The following PLD5 variants were observed in gnomAD, a reference collection of about 807,000 sequenced individuals.
The protein encoded by PLD5 is inactive phospholipase D5.
A neutral mutation model predicts 61.1 loss-of-function variants in PLD5; 36 were observed. The observed-to-expected ratio is 0.59, with a 90% CI of 0.45 to 0.78. The LOEUF (loss-of-function observed/expected upper bound fraction) is 0.78. Among genes scored for constraint, PLD5 ranks in the 30% least tolerant of loss-of-function variants. The pLI is 0.00. For synonymous variants in PLD5, 243 were observed against 242.8 expected, an observed-to-expected ratio of 1.00 and a Z score of -0.01; for missense variants, 515 against 644.4, an observed-to-expected ratio of 0.80 and a Z score of 2.17.
chr1:242,096,755 TTATTA>T (rs1220280238), intron 9 of PLD5, among the ~76,000 whole-genome samples: 1 of 151,966 alleles, frequency 6.6e-6, no homozygotes, highest in Non-Finnish European at 1.5e-5. Flanking sequence ...ATTTTTATTT[TTATTA>T]TATTTTAAGT....
chr1:242,252,209 C>T (rs142566329), intron 4 of PLD5, among the ~76,000 whole-genome samples: 53 of 152,248 alleles, frequency 3.5e-4, no homozygotes, highest in African/African-American at 1.3e-3. Context: ...AGGCCATGGC[C>T]AAGGTTCATG....
Position 242,207,792 on chromosome 1 carries a change from A to T in PLD5, c.735+12196T>A, listed in dbSNP as rs1269017633. Among the ~76,000 whole-genome samples, 5 of 35,874 alleles carry T rather than the reference A, an allele frequency of 1.4e-4. 1 individual carries two copies. The highest frequency in any genetic ancestry group is 2.0e-3 in the South Asian group (2 of 1,002). The allele number at this position is 35,874 out of a possible 152,430, so 23.5% of individuals were successfully genotyped here. ...TATATATTTATATATATTTATATTTATATATATTTATATATATTTATATTT... is the reference window on the plus strand; with the variant it reads ...TATATATTTATATATATTTATATTTTTATATATTTATATATATTTATATTT... On this transcript the variant is annotated intron_variant, in intron 5 of 9. Coordinates refer to ENST00000536534, the MANE Select transcript of PLD5 (RefSeq NM_001372062.1).
chr1:242,377,780 A>G (rs911669878), intron 1 of PLD5, among the ~76,000 whole-genome samples: 2 of 152,214 alleles, frequency 1.3e-5, no homozygotes, highest in African/African-American at 4.8e-5. Flanking sequence ...AAAGATGTTC[A>G]ACATCACTAT....
At chr1:242,175,538 T>C (rs1229792817) in intron 5 of PLD5, among the ~76,000 whole-genome samples, 3 of 152,170 alleles carry the variant, frequency 2.0e-5, no homozygotes, top group Non-Finnish European at 4.4e-5. Context: ...AAAACCAGCA[T>C]AAGACAAGGA....
intron 2 of PLD5, among the ~76,000 whole-genome samples, chr1:242,307,736 C>T (rs949676020): frequency 2.6e-5 from 4 of 151,984 alleles, no homozygotes; most frequent in African/African-American, 9.7e-5. Context: ...ATTTGCGAGT[C>T]AGGCTTCTCC....
At chr1:242,525,206 C>T (rs111889745), upstream of PLD5, among the ~76,000 whole-genome samples, 4 of 152,338 alleles carry the variant, frequency 2.6e-5, no homozygotes, top group South Asian at 8.3e-4. Flanking sequence ...ACGCTACTTT[C>T]ATCCGATGGT....
Position 242,322,750 on chromosome 1 carries a change from G to A in PLD5, c.326+25356C>T, listed in dbSNP as rs146539516. On this transcript the variant is annotated intron_variant, in intron 2 of 9. Transcript: ENST00000536534. ...CCTGCTGCCATGTAAGACATGCCTT[G>A]CTTCCCCTTTGCCTTTTGCCACAAG... 3.0e-4 allele frequency among the ~76,000 whole-genome samples: 45 copies of A among 152,276 alleles called. No homozygotes were observed. The East Asian group carries it at 5.6e-3, about 19-fold the overall frequency.
At position 242,249,584 on chromosome 1, in the gene PLD5, A is replaced by T. The variant is rs1411753604; in HGVS notation, c.607+15753T>A. On this transcript the variant is annotated intron_variant, in intron 4 of 9. Coordinates refer to ENST00000536534, the MANE Select transcript of PLD5 (RefSeq NM_001372062.1). ...TTGACTTTTTCTTGAGAAGGAAATC[A>T]CTTAATACCTCTGCCCAAGTTTGGG... is the stretch of plus-strand genomic sequence containing the variant. Among the ~76,000 whole-genome samples the T allele has an allele frequency of 2.0e-5, 3 of 152,224 alleles. No individual in the cohort carries two copies. In the East Asian group the frequency reaches 5.8e-4, roughly 29 times the overall value.
At position 242,356,339 on chromosome 1, in the gene PLD5, T is replaced by G. The variant is rs1398393716; in HGVS notation, c.190-8097A>C. 2.0e-5 allele frequency among the ~76,000 whole-genome samples: 3 copies of G among 152,122 alleles called. No homozygotes were observed. In the South Asian group the frequency reaches 6.2e-4, roughly 32 times the overall value. On this transcript the variant is annotated intron_variant, in intron 1 of 9. Transcript: ENST00000536534. ...AATGCCCTTCTTTGTCTTTTTAAAA[T>G]ACTTTTTGACTTAAAGTCTATTTTC... is the stretch of plus-strand genomic sequence containing the variant.
intron 2 of PLD5, among the ~76,000 whole-genome samples, chr1:242,341,161 A>G (rs1326010652): frequency 2.0e-5 from 3 of 151,768 alleles, no homozygotes; most frequent in Non-Finnish European, 4.4e-5. Flanking sequence ...CAAAAAGTAC[A>G]AAAGGTGGCT....
At chr1:242,464,606 CT>C (rs1317975627) in intron 1 of PLD5, among the ~76,000 whole-genome samples, 1 of 152,158 alleles carries the variant, frequency 6.6e-6, no homozygotes, top group Non-Finnish European at 1.5e-5. Flanking sequence ...TTGGAAGTTC[CT>C]CAAAAGGTTA....
chr1:242,106,085 C>G (rs1262847261), intron 8 of PLD5, among the ~76,000 whole-genome samples: 3 of 152,144 alleles, frequency 2.0e-5, no homozygotes, highest in Non-Finnish European at 4.4e-5. Context: ...ACAGTACCTG[C>G]CCAGAAGAGT....
intron 5 of PLD5, among the ~76,000 whole-genome samples, chr1:242,132,340 C>T (rs1040147392): frequency 6.6e-6 from 1 of 151,972 alleles, no homozygotes; most frequent in Non-Finnish European, 1.5e-5. Context: ...AGAGGAGAGA[C>T]ATTAGCACCG....
At chr1:242,124,394 C>T (rs965703423) in intron 6 of PLD5, 74 bp downstream of exon 6, 12 of 1,460,758 alleles carry the variant, frequency 8.2e-6, no homozygotes, top group Non-Finnish European at 1.1e-5. Flanking sequence ...CAAGATCACA[C>T]TTAAACATTC....
At chr1:242,154,806 A>AT (rs1238885253) in intron 5 of PLD5, among the ~76,000 whole-genome samples, 4 of 151,772 alleles carry the variant, frequency 2.6e-5, no homozygotes, top group South Asian at 2.1e-4. Context: ...TGAAATTTTC[A>AT]TTTTTTTGTT....
intron 1 of PLD5, among the ~76,000 whole-genome samples, chr1:242,395,722 T>A (rs1663532006): frequency 1.3e-5 from 2 of 152,130 alleles, no homozygotes; most frequent in Admixed American, 1.3e-4. Flanking sequence ...TTAAATATAT[T>A]CACACAGTAA....
At chr1:242,503,176 G>T (rs1668611891) in intron 1 of PLD5, among the ~76,000 whole-genome samples, 1 of 152,114 alleles carries the variant, frequency 6.6e-6, no homozygotes, top group Non-Finnish European at 1.5e-5. Context: ...TGTCACCCCA[G>T]TGTTGGAGGT....
intron 8 of PLD5, among the ~76,000 whole-genome samples, chr1:242,106,273 T>C (rs146803258): frequency 3.3e-5 from 5 of 152,344 alleles, no homozygotes; most frequent in African/African-American, 4.8e-5. Context: ...AGTTTTTACA[T>C]TGACAAACTA....
At chr1:242,369,605 G>T (rs1335688040) in intron 1 of PLD5, among the ~76,000 whole-genome samples, 2 of 152,174 alleles carry the variant, frequency 1.3e-5, no homozygotes, top group Non-Finnish European at 2.9e-5. Flanking sequence ...TCATCTATCA[G>T]GAAGAGAGAG....
Sources: gnomAD v4.1 joint callset for allele counts (sites outside exome capture counted in the v4.1 genomes callset) on GRCh38, gnomAD v4.1.1 for gene constraint, MANE v1.5 for transcripts, NCBI Gene and HGNC (gene_info 2026-07-23, HGNC 2026-07-21) for gene names.